SRSF10: variants seen among roughly 807,000 people sequenced by gnomAD.
The protein encoded by SRSF10 is serine/arginine-rich splicing factor 10.
In SRSF10, 9 loss-of-function variants were observed where a neutral mutation model predicts 32.6. The ratio of observed to expected loss-of-function variants is 0.28; its 90% CI spans 0.17 to 0.48. SRSF10 has a LOEUF of 0.48. Among genes scored for constraint, SRSF10 ranks in the 20% least tolerant of loss-of-function variants. The pLI is 0.99. For synonymous variants in SRSF10, 105 were observed against 112.4 expected, an observed-to-expected ratio of 0.93 and a Z score of 0.42; for missense variants, 201 against 331.8, an observed-to-expected ratio of 0.61 and a Z score of 3.06.
Position 23,968,511 on chromosome 1 carries a change from C to T in SRSF10, c.*2631G>A, listed in dbSNP as rs1378186327. On this transcript the variant is annotated 3_prime_UTR_variant, in exon 6 of 6. Coordinates refer to ENST00000492112, the MANE Select transcript of SRSF10 (RefSeq NM_054016.4). ...ATGGGGAAAATAAAAGTATCTTTCTCATAAGGTTTTGTGAAGAGTGAGTTA... is the reference window on the plus strand; with the variant it reads ...ATGGGGAAAATAAAAGTATCTTTCTTATAAGGTTTTGTGAAGAGTGAGTTA... Among the ~76,000 whole-genome samples the T allele has an allele frequency of 1.3e-5, 1 of 77,694 alleles. No homozygotes were observed. Among genetic ancestry groups the T allele is most frequent in the Non-Finnish European group, 2.6e-5 (1 of 38,766 alleles). 51.0% of individuals were successfully genotyped at this position (77,694 alleles called of 152,430 possible). A position where few individuals can be genotyped will look rare whatever the true frequency, so the allele number is the denominator to read the frequency against.
Position 23,967,806 on chromosome 1 carries a change from T to G in SRSF10, c.*3336A>C, listed in dbSNP as rs1641523743. ...ACAGGATTTTGTTAGTTGAACTGGA[T>G]GTAGCAGCTTACTGGGCCAAATTTT... On this transcript the variant is annotated 3_prime_UTR_variant, in exon 6 of 6. Coordinates refer to ENST00000492112, the MANE Select transcript of SRSF10 (RefSeq NM_054016.4). 3.2e-6 allele frequency: 5 copies of G among 1,586,646 alleles called. No individual in the cohort carries two copies. The highest frequency in any genetic ancestry group is 4.3e-6 in the Non-Finnish European group (5 of 1,163,962).
At chr1:23,980,095 C>T in intron 1 of SRSF10, 96 bp downstream of exon 1, 2 of 1,328,412 alleles carry the variant, frequency 1.5e-6, no homozygotes, top group Non-Finnish European at 2.0e-6. Context: ...ATCTTCACTC[C>T]GTCCCCTCCC....
rs1383854852 is a variant in SRSF10 at position 23,965,490 on chromosome 1, G to A, written c.*5652C>T. ...AAATGAATAGCATAATATGCAAGAA[G>A]CTATCACATGATGGGTATTCTACAA... is the stretch of plus-strand genomic sequence containing the variant. On this transcript the variant is annotated 3_prime_UTR_variant, in exon 6 of 6. Transcript: ENST00000492112. 5.9e-5 allele frequency: 9 copies of A among 151,952 alleles called. No homozygotes were observed. The highest frequency in any genetic ancestry group is 2.2e-4 in the African/African-American group (9 of 41,422). The allele number at this position is 151,952 out of a possible 1,614,324, so 9.4% of individuals were successfully genotyped here.
At chr1:23,979,225 G>A (rs1339208555) in intron 1 of SRSF10, among the ~76,000 whole-genome samples, 6 of 152,040 alleles carry the variant, frequency 3.9e-5, no homozygotes, top group African/African-American at 1.4e-4. Context: ...ATAGTTAAGT[G>A]TCAAGATGAC....
chr1:23,977,038 G>T (rs1010788945), intron 2 of SRSF10: 1 of 152,152 alleles, frequency 6.6e-6, no homozygotes, highest in Non-Finnish European at 1.5e-5. Context: ...GGTCTATGTT[G>T]TAAGCCAGAA....
At chr1:23,977,268 C>T (rs1642149437) in intron 2 of SRSF10, 1 of 152,084 alleles carries the variant, frequency 6.6e-6, no homozygotes, top group African/African-American at 2.4e-5. Flanking sequence ...CAACCCAAAC[C>T]CTTGTTGCAG....
intron 3 of SRSF10, among the ~76,000 whole-genome samples, chr1:23,974,216 C>A (rs1303084818): frequency 6.6e-6 from 1 of 151,930 alleles, no homozygotes; most frequent in Non-Finnish European, 1.5e-5. Flanking sequence ...CCACCCACCT[C>A]GGCCTCCCAA....
chr1:23,969,838 T>C lies in SRSF10; in HGVS notation c.*1304A>G. On this transcript the variant is annotated 3_prime_UTR_variant, in exon 6 of 6. Coordinates refer to ENST00000492112, the MANE Select transcript of SRSF10 (RefSeq NM_054016.4). ...ACTAATCCTTTTCCCCAAATTACCT[T>C]AAATTTCATGGCACCACAGAATCAC... 1 of 985,446 alleles carries C rather than the reference T, an allele frequency of 1.0e-6. No individual in the cohort carries two copies. The allele number at this position is 985,446 out of a possible 1,614,324, so 61.0% of individuals were successfully genotyped here.
chr1:23,979,289 AATTATTTAT>A (rs1642299918), intron 1 of SRSF10, among the ~76,000 whole-genome samples: 1 of 54,882 alleles, frequency 1.8e-5, no homozygotes, highest in Non-Finnish European at 6.0e-5. Context: ...TTATGGAAAG[AATTATTTAT>A]GGAAAGAATT....
At position 23,966,718 on chromosome 1, in the gene SRSF10, C is replaced by G. The variant is rs1187858847; in HGVS notation, c.*4424G>C. ...GCAGAGTAAACAATTTATTATAACTCTAGTATATTACAGTCACTGCACAAT... is the reference window on the plus strand; with the variant it reads ...GCAGAGTAAACAATTTATTATAACTGTAGTATATTACAGTCACTGCACAAT... On this transcript the variant is annotated 3_prime_UTR_variant, in exon 6 of 6. Transcript: ENST00000492112. 6.6e-6 allele frequency: 1 copy of G among 151,944 alleles called. No homozygotes were observed. The highest frequency in any genetic ancestry group is 1.5e-5 in the Non-Finnish European group (1 of 67,902). The allele number at this position is 151,944 out of a possible 1,614,324, so 9.4% of individuals were successfully genotyped here.
intron 1 of SRSF10, 159 bp from the exon 2 acceptor site, chr1:23,978,976 G>C (rs1028387456): frequency 2.4e-6 from 1 of 413,064 alleles, no homozygotes; most frequent in Non-Finnish European, 4.2e-6. Context: ...TATGGTACAA[G>C]GGAATGACCA....
In SRSF10 at chr1:23,968,098, G is replaced by A. The variant is rs979351261; in HGVS notation, c.*3044C>T. On this transcript the variant is annotated 3_prime_UTR_variant, in exon 6 of 6. Coordinates refer to ENST00000492112, the MANE Select transcript of SRSF10 (RefSeq NM_054016.4). ...ACAGTAGGTAAACTCAGTAAGTGGGGGACTCAACTACATCACCCAAAACTA... is the reference window on the plus strand; with the variant it reads ...ACAGTAGGTAAACTCAGTAAGTGGGAGACTCAACTACATCACCCAAAACTA... 2.2e-6 allele frequency: 3 copies of A among 1,391,592 alleles called. No individual in the cohort carries two copies. The highest frequency in any genetic ancestry group is 2.6e-5 in the Admixed American group (1 of 38,632). 86.2% of individuals were successfully genotyped at this position (1,391,592 alleles called of 1,614,324 possible). A position where few individuals can be genotyped will look rare whatever the true frequency, so the allele number is the denominator to read the frequency against.
chr1:23,975,195 C>A (rs4649146), intron 2 of SRSF10, 118 bp from the exon 3 acceptor site: 336,379 of 810,550 alleles, frequency 0.42, 75,879 homozygotes, highest in Non-Finnish European at 0.48. Context: ...ATCAACCAGA[C>A]CCCCACTTAC....
At chr1:23,972,041 A>G in intron 3 of SRSF10, 29 bp from the exon 4 acceptor site, 1 of 1,449,854 alleles carries the variant, frequency 6.9e-7, no homozygotes, top group Non-Finnish European at 9.1e-7. Context: ...AGAAATATTT[A>G]AAAATATTAA....
Position 23,969,582 on chromosome 1 carries a change from C to T in SRSF10, c.*1560G>A, listed in dbSNP as rs113050449. The T allele has an allele frequency of 1.8e-4, 180 of 985,136 alleles. No individual in the cohort carries two copies. Among genetic ancestry groups the T allele is most frequent in the African/African-American group, 4.7e-4 (27 of 57,328 alleles). 61.0% of individuals were successfully genotyped at this position (985,136 alleles called of 1,614,324 possible). ...AAAAAAGTAATCCTCTAAAAGGAAT[C>T]GTTTGTCCATAATTCGTACTTGTAT... On this transcript the variant is annotated 3_prime_UTR_variant, in exon 6 of 6. Transcript: ENST00000492112.
intron 3 of SRSF10, among the ~76,000 whole-genome samples, chr1:23,974,383 A>G (rs1443346747): frequency 6.6e-6 from 1 of 150,892 alleles, no homozygotes; most frequent in South Asian, 2.1e-4. Flanking sequence ...TACGCAGCGA[A>G]CATCTGGTAA....
At chr1:23,975,121 A>G in intron 2 of SRSF10, 44 bp from the exon 3 acceptor site, 1 of 1,476,258 alleles carries the variant, frequency 6.8e-7, no homozygotes. Context: ...AAACTTTGAT[A>G]ATGAATGAAA....
In SRSF10 at chr1:23,969,482, C is replaced by G. The variant is rs371875109; in HGVS notation, c.*1660G>C. ...GGTTCTAGAATCAATCCTTTAAACA[C>G]ATTCCACAAACAGTATTTAAAATCC... is the stretch of plus-strand genomic sequence containing the variant. On this transcript the variant is annotated 3_prime_UTR_variant, in exon 6 of 6. Transcript: ENST00000492112. 3 of 985,366 alleles carry G rather than the reference C, an allele frequency of 3.0e-6. No homozygotes were observed. Among genetic ancestry groups the G allele is most frequent in the Non-Finnish European group, 2.4e-6 (2 of 829,902 alleles). 61.0% of individuals were successfully genotyped at this position (985,366 alleles called of 1,614,324 possible).
chr1:23,972,133 G>T, intron 3 of SRSF10, 121 bp from the exon 4 acceptor site: 1 of 840,472 alleles, frequency 1.2e-6, no homozygotes, highest in South Asian at 3.0e-5. Context: ...TGTATGACCC[G>T]GGTGGTGGCT....
Sources: allele counts gnomAD v4.1 joint callset (sites outside exome capture counted in the v4.1 genomes callset), GRCh38; gene constraint gnomAD v4.1.1; transcripts MANE v1.5; gene names NCBI Gene and HGNC (gene_info 2026-07-23, HGNC 2026-07-21).